The following SNRNP40 variants were observed in gnomAD, a reference collection of about 807,000 sequenced individuals.
SNRNP40 encodes U5 small nuclear ribonucleoprotein 40 kDa protein.
A neutral mutation model predicts 45.8 loss-of-function variants in SNRNP40; 21 were observed. The ratio of observed to expected loss-of-function variants is 0.46; its 90% confidence interval spans 0.32 to 0.66. The LOEUF is 0.66. Among genes scored for constraint, SNRNP40 ranks in the 30% least tolerant of loss-of-function variants. The probability of loss-of-function intolerance (pLI) is 0.03; values close to 1 mark genes in which losing one functional copy is unlikely to be tolerated. For missense variants in SNRNP40, 344 were observed against 439.1 expected (o/e 0.78, Z 1.94); for synonymous variants, 142 against 163.8 (o/e 0.87, Z 1.01).
chr1:31,286,328 T>C (rs1374645784), intron 4 of SNRNP40, among the ~76,000 whole-genome samples: 2 of 152,204 alleles, frequency 1.3e-5, no homozygotes, highest in Non-Finnish European at 2.9e-5. Context: ...CCCATTAAAT[T>C]CAATATATTC....
chr1:31,269,445 C>A lies in SNRNP40; in HGVS notation c.776-205G>T, dbSNP rs1395773651. 24 of 1,262,020 alleles carry A rather than the reference C, an allele frequency of 1.9e-5. No individual in the cohort carries two copies. In the East Asian group the frequency reaches 7.0e-4, roughly 37 times the overall value. 78.2% of individuals were successfully genotyped at this position (1,262,020 alleles called of 1,614,324 possible). A position where few individuals can be genotyped will look rare whatever the true frequency, so the allele number is the denominator to read the frequency against. On this transcript the variant is annotated intron_variant, in intron 6 of 9. Coordinates refer to ENST00000263694, the MANE Select transcript of SNRNP40 (RefSeq NM_004814.3). Reference sequence around the variant, plus strand: ...CACATCTAAATCCCAATAACTGGGGCTAGCTGAGGGGGCAGGAAGGAAAAA... The same window carrying A: ...CACATCTAAATCCCAATAACTGGGGATAGCTGAGGGGGCAGGAAGGAAAAA...
At chr1:31,260,363 G>A (rs767270420) in intron 9 of SNRNP40, among the ~76,000 whole-genome samples, 1 of 151,990 alleles carries the variant, frequency 6.6e-6, no homozygotes, top group Non-Finnish European at 1.5e-5. Flanking sequence ...GACATCCCTT[G>A]TCAGTCAAAC....
intron 4 of SNRNP40, among the ~76,000 whole-genome samples, chr1:31,285,701 A>G (rs1398141294): frequency 6.6e-6 from 1 of 152,254 alleles, no homozygotes; most frequent in Non-Finnish European, 1.5e-5. Context: ...ACAAGGATTC[A>G]GTCTGGAATC....
intron 3 of SNRNP40, among the ~76,000 whole-genome samples, chr1:31,289,663 T>C (rs756792059): frequency 6.6e-6 from 1 of 152,200 alleles, no homozygotes; most frequent in Non-Finnish European, 1.5e-5. Flanking sequence ...TGAGTCCCCA[T>C]GACATACATC....
intron 5 of SNRNP40, among the ~76,000 whole-genome samples, chr1:31,277,206 A>G (rs1001996044): frequency 6.6e-6 from 1 of 152,158 alleles, no homozygotes; most frequent in Non-Finnish European, 1.5e-5. Flanking sequence ...AAAAAGAAAA[A>G]AAGCATCATC....
At chr1:31,274,117 T>C (rs1645958155) in intron 5 of SNRNP40, among the ~76,000 whole-genome samples, 1 of 152,098 alleles carries the variant, frequency 6.6e-6, no homozygotes, top group African/African-American at 2.4e-5. Context: ...AGAGGCCAGC[T>C]CATGAAAGGT....
At chr1:31,287,640 C>T (rs1360776775) in intron 4 of SNRNP40, among the ~76,000 whole-genome samples, 3 of 152,166 alleles carry the variant, frequency 2.0e-5, no homozygotes, top group Non-Finnish European at 4.4e-5. Flanking sequence ...TCTTAAACAA[C>T]AGACTCTCCT....
intron 9 of SNRNP40, among the ~76,000 whole-genome samples, chr1:31,260,324 G>A (rs980871497): frequency 5.9e-5 from 9 of 151,968 alleles, no homozygotes; most frequent in African/African-American, 2.2e-4. Flanking sequence ...ACTGTACTAT[G>A]GGAAATACAT....
chr1:31,287,712 C>T (rs1022756289), intron 4 of SNRNP40, among the ~76,000 whole-genome samples: 3 of 152,120 alleles, frequency 2.0e-5, no homozygotes, highest in South Asian at 2.1e-4. Flanking sequence ...AGTAGAAAAA[C>T]GTCTCAGCCA....
chr1:31,292,184 G>A (rs1275338592), intron 2 of SNRNP40, among the ~76,000 whole-genome samples, 178 bp from the exon 3 acceptor site: 2 of 152,060 alleles, frequency 1.3e-5, no homozygotes, highest in East Asian at 1.9e-4. Flanking sequence ...CTGATACGGC[G>A]AAACCCCATC....
In SNRNP40 at chr1:31,265,945, T is replaced by C. The variant is rs527946497; in HGVS notation, c.920+1926A>G. 2.6e-5 allele frequency among the ~76,000 whole-genome samples: 4 copies of C among 152,348 alleles called. No individual in the cohort carries two copies. In the South Asian group the frequency reaches 8.3e-4, roughly 32 times the overall value. ...TATATCAGAATATGAGACACCTTAG[T>C]CTGTTTCTTGAAGTCTTCTCTAGCA... On this transcript the variant is annotated intron_variant, in intron 8 of 9. Transcript: ENST00000263694.
intron 7 of SNRNP40, among the ~76,000 whole-genome samples, chr1:31,268,634 T>TA (rs1412928922): frequency 3.9e-5 from 6 of 152,154 alleles, no homozygotes; most frequent in South Asian, 2.1e-4. Context: ...AAAAAATCTC[T>TA]ATTAACAAAT....
At position 31,274,531 on chromosome 1, in the gene SNRNP40, G is replaced by A. The variant is rs538464240; in HGVS notation, c.655-3032C>T. Among the ~76,000 whole-genome samples, 35 of 151,434 alleles carry A rather than the reference G, an allele frequency of 2.3e-4. 1 individual carries two copies. The South Asian group carries it at 2.7e-3, about 12-fold the overall frequency. ...GCTGGGATTACAGGCTTGAGTCACCGCGCCTGGCCTGGCCTATATATTTAA... is the reference window on the plus strand; with the variant it reads ...GCTGGGATTACAGGCTTGAGTCACCACGCCTGGCCTGGCCTATATATTTAA... On this transcript the variant is annotated intron_variant, in intron 5 of 9. Transcript: ENST00000263694.
chr1:31,276,090 T>C (rs1185139319), intron 5 of SNRNP40, among the ~76,000 whole-genome samples: 2 of 152,202 alleles, frequency 1.3e-5, no homozygotes, highest in African/African-American at 4.8e-5. Flanking sequence ...TAATGGCAGC[T>C]GACATATATT....
At chr1:31,289,116 G>T (rs1569671254) in intron 4 of SNRNP40, 138 bp downstream of exon 4, 2 of 652,288 alleles carry the variant, frequency 3.1e-6, no homozygotes, top group Non-Finnish European at 5.2e-6. Context: ...TTTTAAATGG[G>T]GAAAAATTTC....
At position 31,296,665 on chromosome 1, in the gene SNRNP40, C is replaced by A. The variant is rs112029809; in HGVS notation, c.87G>T (p.Gly29=). 1 of 1,613,956 alleles carries A rather than the reference C, an allele frequency of 6.2e-7. No individual in the cohort carries two copies. The highest frequency in any genetic ancestry group is 1.7e-5 in the Admixed American group (1 of 59,994). ...GCTGCTGCCCGGCTCCTGGGCCAGA[C>A]CCCGCTCCCAACAGCAACTCATGCC... ...RQRHELLLGA[G]SGPGAGQQQA... Residue 29 remains glycine, a synonymous_variant, in exon 1 of 10, where the codon GGG becomes GGT. Coordinates refer to ENST00000263694, the MANE Select transcript of SNRNP40 (RefSeq NM_004814.3).
chr1:31,272,243 ATG>A (rs1011716443), intron 5 of SNRNP40, among the ~76,000 whole-genome samples: 1 of 152,224 alleles, frequency 6.6e-6, no homozygotes, highest in African/African-American at 2.4e-5. Flanking sequence ...ATGTAACAAT[ATG>A]TGACAATAAA....
chr1:31,267,122 A>T (rs534174452), intron 8 of SNRNP40, among the ~76,000 whole-genome samples: 5 of 152,330 alleles, frequency 3.3e-5, no homozygotes, highest in East Asian at 1.9e-4. Flanking sequence ...TAGATAATGA[A>T]GAGGGAATGT....
chr1:31,270,376 G>A lies in SNRNP40; in HGVS notation c.775+1003C>T, dbSNP rs558464881. On this transcript the variant is annotated intron_variant, in intron 6 of 9. Coordinates refer to ENST00000263694, the MANE Select transcript of SNRNP40 (RefSeq NM_004814.3). ...GGCATGGTACTTGGGAGGCTTGCCT[G>A]GGCCCAGGAGTTTGAGACCAGCCTG... Among the ~76,000 whole-genome samples the A allele has an allele frequency of 3.3e-5, 5 of 152,114 alleles. No homozygotes were observed. The East Asian group carries it at 9.7e-4, about 29-fold the overall frequency.
Sources: gnomAD v4.1 joint callset for allele counts (sites outside exome capture counted in the v4.1 genomes callset) on GRCh38, gnomAD v4.1.1 for gene constraint, MANE v1.5 for transcripts, NCBI Gene and HGNC (gene_info 2026-07-23, HGNC 2026-07-21) for gene names.